The following IGFL2 variants were observed in gnomAD, a reference collection of about 807,000 sequenced individuals.
The protein encoded by IGFL2 is insulin growth factor-like family member 2.
Under a neutral mutation model 13.9 loss-of-function variants are expected in IGFL2, and 7 were observed. The ratio of observed to expected loss-of-function variants is 0.51; its 90% CI spans 0.29 to 0.95. IGFL2 has a LOEUF of 0.95. Ranked by LOEUF, IGFL2 falls within the 40% of genes least tolerant of loss-of-function variation. The pLI is 0.08. For missense variants in IGFL2, 138 were observed against 147.8 expected, an observed-to-expected ratio of 0.93 and a Z score of 0.34; for synonymous variants, 55 against 55.8, an observed-to-expected ratio of 0.99 and a Z score of 0.07.
At chr19:46,118,656 C>T in the IGFL2 span, among the ~76,000 whole-genome samples, 1 of 152,196 alleles carries the variant, frequency 6.6e-6, no homozygotes, top group African/African-American at 2.4e-5. Flanking sequence ...GCCCAGACAT[C>T]AGGTATCTAC....
chr19:46,208,715 G>A, the IGFL2 span: 2 of 152,126 alleles, frequency 1.3e-5, no homozygotes, highest in Non-Finnish European at 2.9e-5. Flanking sequence ...AAAGTGTGTA[G>A]AAGTTCCCGG....
chr19:46,210,591 G>A, the IGFL2 span, among the ~76,000 whole-genome samples: 3 of 152,180 alleles, frequency 2.0e-5, no homozygotes, highest in Non-Finnish European at 4.4e-5. Flanking sequence ...TCTGATGTTC[G>A]AGGGAAGGAA....
chr19:46,167,916 C>T, the IGFL2 span, among the ~76,000 whole-genome samples: 1 of 152,194 alleles, frequency 6.6e-6, no homozygotes, highest in African/African-American at 2.4e-5. Context: ...CTTAGACTTC[C>T]AACCTCCAGA....
At chr19:46,179,081 G>A in the IGFL2 span, among the ~76,000 whole-genome samples, 3 of 152,118 alleles carry the variant, frequency 2.0e-5, no homozygotes, top group Admixed American at 2.0e-4. Flanking sequence ...AAGAGGCAGG[G>A]CTGCAGGGGT....
At chr19:46,145,044 G>A (rs1341612313), upstream of IGFL2, among the ~76,000 whole-genome samples, 2 of 152,036 alleles carry the variant, frequency 1.3e-5, no homozygotes, top group Non-Finnish European at 2.9e-5. Context: ...AGATATTTGA[G>A]TTGTTTCCAC....
At chr19:46,137,453 T>C in the IGFL2 span, 7 of 1,051,490 alleles carry the variant, frequency 6.7e-6, no homozygotes, top group African/African-American at 1.1e-4. Context: ...ATACAGCCAA[T>C]CTTGAAGAAT....
the IGFL2 span, among the ~76,000 whole-genome samples, chr19:46,136,522 C>G: frequency 1.3e-5 from 2 of 152,048 alleles, no homozygotes; most frequent in South Asian, 2.1e-4. Flanking sequence ...AATAATCTAC[C>G]AATAAACATG....
the IGFL2 span, among the ~76,000 whole-genome samples, chr19:46,171,458 ACAAT>A: frequency 6.6e-6 from 1 of 152,198 alleles, no homozygotes; most frequent in Non-Finnish European, 1.5e-5. Context: ...TACTGATAAA[ACAAT>A]CAAACTTAGA....
chr19:46,187,908 C>T, the IGFL2 span, among the ~76,000 whole-genome samples: 345 of 40,262 alleles, frequency 8.6e-3, 1 homozygote, highest in East Asian at 0.012. Context: ...TGATCAGAGA[C>T]GGTGAGCATT....
chr19:46,182,495 A>G, the IGFL2 span, among the ~76,000 whole-genome samples: 1 of 152,080 alleles, frequency 6.6e-6, no homozygotes, highest in Non-Finnish European at 1.5e-5. Context: ...TCTATTTGCT[A>G]AAAGAAAACT....
At chr19:46,120,496 A>G in the IGFL2 span, 9 of 1,261,162 alleles carry the variant, frequency 7.1e-6, no homozygotes, top group Non-Finnish European at 9.6e-6. Context: ...CAACAGAAGG[A>G]CACAGTCACC....
chr19:46,142,421 G>A (rs771055607), upstream of IGFL2, among the ~76,000 whole-genome samples: 9 of 152,190 alleles, frequency 5.9e-5, no homozygotes, highest in Admixed American at 2.6e-4. Context: ...GTGAAATATA[G>A]CATTGAGAAG....
chr19:46,152,748 C>G (rs1448925872), intron 1 of IGFL2, among the ~76,000 whole-genome samples: 2 of 152,116 alleles, frequency 1.3e-5, no homozygotes, highest in Non-Finnish European at 2.9e-5. Flanking sequence ...TGTCTTGTCC[C>G]TGATATTAGG....
the IGFL2 span, among the ~76,000 whole-genome samples, chr19:46,094,000 T>A: frequency 0.013 from 1,998 of 151,138 alleles, 31 homozygotes; most frequent in Middle Eastern, 0.028. Context: ...CACCTTGATA[T>A]GTACATTCAA....
At chr19:46,212,713 TTCTCTCTC>T in the IGFL2 span, 1 of 148,614 alleles carries the variant, frequency 6.7e-6, no homozygotes, top group Non-Finnish European at 1.5e-5. Flanking sequence ...TTCTCCTACC[TTCTCTCTC>T]TCTCTCTCTC....
chr19:46,093,750 G>C, the IGFL2 span, among the ~76,000 whole-genome samples: 2 of 152,100 alleles, frequency 1.3e-5, no homozygotes, highest in African/African-American at 4.8e-5. Context: ...ATAAACAATA[G>C]TCTATGGCAC....
At chr19:46,182,859 C>G in the IGFL2 span, among the ~76,000 whole-genome samples, 1 of 152,108 alleles carries the variant, frequency 6.6e-6, no homozygotes. Flanking sequence ...CCCCATCTCT[C>G]CTGCCTCTCT....
At chr19:46,201,968 G>T in the IGFL2 span, among the ~76,000 whole-genome samples, 2 of 152,138 alleles carry the variant, frequency 1.3e-5, no homozygotes, top group African/African-American at 2.4e-5. Context: ...GGTTGTGAGT[G>T]GGGGAGGCGA....
upstream of IGFL2, among the ~76,000 whole-genome samples, chr19:46,145,522 C>T (rs1002688562): frequency 6.6e-6 from 1 of 151,826 alleles, no homozygotes; most frequent in Non-Finnish European, 1.5e-5. Context: ...TAGTTCCTTT[C>T]AGGGTTTCTT....
Sources: gnomAD v4.1 joint callset for allele counts (sites outside exome capture counted in the v4.1 genomes callset) on GRCh38, gnomAD v4.1.1 for gene constraint, MANE v1.5 for transcripts, NCBI Gene and HGNC (gene_info 2026-07-23, HGNC 2026-07-21) for gene names.